The following CEP70 variants were observed in gnomAD, a reference collection of about 807,000 sequenced individuals.
CEP70 encodes the protein centrosomal protein of 70 kDa.
Under a neutral mutation model 90.9 loss-of-function variants are expected in CEP70, and 70 were observed. The observed-to-expected ratio is 0.77, with a 90% CI of 0.64 to 0.94. The LOEUF is 0.94. Among genes scored for constraint, CEP70 ranks in the 40% least tolerant of loss-of-function variants. The pLI, the probability that CEP70 is intolerant of heterozygous loss-of-function variation, is 0.00. For missense variants in CEP70, 648 were observed against 669.0 expected, an observed-to-expected ratio of 0.97 and a Z score of 0.35; for synonymous variants, 220 against 228.3, an observed-to-expected ratio of 0.96 and a Z score of 0.33.
chr3:138,571,779 T>C (rs1254988715), intron 3 of CEP70, among the ~76,000 whole-genome samples: 1 of 152,176 alleles, frequency 6.6e-6, no homozygotes, highest in African/African-American at 2.4e-5. Context: ...AGTATCACTT[T>C]CTTTTTTCTT....
rs1361964225 is a variant in CEP70, at chr3:138,551,420, A to T, written c.466-14073T>A. On this transcript the variant is annotated intron_variant, in intron 6 of 17. Coordinates refer to ENST00000264982, the MANE Select transcript of CEP70 (RefSeq NM_024491.4). ...CAAAACAGAACCTTTTCAAAGCATA[A>T]ATGTCACAGGACCTATAAAACAAAA... 1.3e-5 allele frequency among the ~76,000 whole-genome samples: 2 copies of T among 152,158 alleles called. 1 individual carries two copies. Among genetic ancestry groups the T allele is most frequent in the East Asian group, 3.9e-4 (2 of 5,194 alleles).
chr3:138,561,555 G>A (rs1442559286), intron 6 of CEP70, among the ~76,000 whole-genome samples: 1 of 152,158 alleles, frequency 6.6e-6, no homozygotes, highest in Non-Finnish European at 1.5e-5. Context: ...CGAACTGACA[G>A]AAGTAGGCTT....
At chr3:138,531,987 A>ATAAATAAT (rs1650300696) in intron 8 of CEP70, among the ~76,000 whole-genome samples, 2 of 152,212 alleles carry the variant, frequency 1.3e-5, no homozygotes. Context: ...CTTACATTAA[A>ATAAATAAT]GCATTTTAGA....
At position 138,530,575 on chromosome 3, in the gene CEP70, T is replaced by C. The variant is rs546961667; in HGVS notation, c.693-1113A>G. 9.4e-5 allele frequency: 93 copies of C among 985,364 alleles called. 1 individual carries two copies. The African/African-American group carries it at 1.6e-3, about 17-fold the overall frequency. 61.0% of individuals were successfully genotyped at this position (985,364 alleles called of 1,614,324 possible). A position where few individuals can be genotyped will look rare whatever the true frequency, so the allele number is the denominator to read the frequency against. ...AAAAATGGACAAGCAGAGAAGCTTT[T>C]GCCACTGCGAGAGGCCCATGTCCCA... On this transcript the variant is annotated intron_variant, in intron 8 of 17. Transcript: ENST00000264982.
At chr3:138,513,816 A>G (rs2035752810) in intron 11 of CEP70, among the ~76,000 whole-genome samples, 1 of 152,216 alleles carries the variant, frequency 6.6e-6, no homozygotes, top group Admixed American at 6.5e-5. Flanking sequence ...ATAGGGACAG[A>G]CTTATTTAAT....
In CEP70 at chr3:138,573,091, G is replaced by C. The variant is rs145147353; in HGVS notation, c.-5-159C>G. 6.6e-4 allele frequency: 396 copies of C among 599,436 alleles called. 3 individuals are homozygous for C. In the African/African-American group the frequency reaches 6.9e-3, roughly 10 times the overall value. The allele number at this position is 599,436 out of a possible 1,614,324, so 37.1% of individuals were successfully genotyped here. On this transcript the variant is annotated intron_variant, in intron 2 of 17. Transcript: ENST00000264982. ...CAGGTCATTCCTGCGTCAAAACTTT[G>C]TGACTTCTTAGATAGCTGATTGTAA...
intron 6 of CEP70, among the ~76,000 whole-genome samples, chr3:138,548,837 G>C (rs539981475): frequency 1.3e-5 from 2 of 152,318 alleles, no homozygotes; most frequent in African/African-American, 4.8e-5. Context: ...GAAAGAAGCA[G>C]ACTGCTCCTG....
chr3:138,499,814 T>C (rs2034320053), intron 16 of CEP70: 3 of 256,006 alleles, frequency 1.2e-5, no homozygotes, highest in African/African-American at 5.9e-5. Context: ...ACAAATTAGC[T>C]GGGCGTGGTG....
intron 6 of CEP70, among the ~76,000 whole-genome samples, chr3:138,562,248 C>T (rs938130243): frequency 2.6e-5 from 4 of 151,910 alleles, no homozygotes; most frequent in African/African-American, 7.3e-5. Context: ...CTGAAAGTGA[C>T]GGGGAGAAAG....
At chr3:138,514,726 T>C (rs930865637) in intron 11 of CEP70, among the ~76,000 whole-genome samples, 1 of 152,264 alleles carries the variant, frequency 6.6e-6, no homozygotes, top group East Asian at 1.9e-4. Context: ...AGTTTTACCT[T>C]GAAAAAATTT....
chr3:138,544,551 G>GTA (rs1363212386), intron 6 of CEP70, among the ~76,000 whole-genome samples: 21 of 151,390 alleles, frequency 1.4e-4, no homozygotes, highest in East Asian at 1.4e-3. Context: ...GTGTGTGTGT[G>GTA]TATATATATA....
Position 138,591,907 on chromosome 3 carries a change from T to C in CEP70, c.-59A>G. On this transcript the variant is annotated 5_prime_UTR_variant, in exon 2 of 18. Transcript: ENST00000264982. ...TTACACCTGGTCATTCAGGTTGATC[T>C]CAATGAAATGATCACCCAACGAGTC... 6.9e-7 allele frequency: 1 copy of C among 1,452,674 alleles called. No individual in the cohort carries two copies. The highest frequency in any genetic ancestry group is 9.1e-7 in the Non-Finnish European group (1 of 1,093,134). The allele number at this position is 1,452,674 out of a possible 1,614,324, so 90.0% of individuals were successfully genotyped here.
At chr3:138,507,419 T>C (rs958493212) in intron 12 of CEP70, among the ~76,000 whole-genome samples, 2 of 152,178 alleles carry the variant, frequency 1.3e-5, no homozygotes, top group Non-Finnish European at 2.9e-5. Context: ...TTTGAAAAAC[T>C]GTTCATCCAG....
At chr3:138,548,583 T>C (rs911478618) in intron 6 of CEP70, among the ~76,000 whole-genome samples, 4 of 152,218 alleles carry the variant, frequency 2.6e-5, no homozygotes, top group South Asian at 2.1e-4. Flanking sequence ...ATTAATACTT[T>C]TTAAAATACT....
intron 6 of CEP70, among the ~76,000 whole-genome samples, chr3:138,560,066 T>A (rs2040287472): frequency 6.6e-6 from 1 of 152,226 alleles, no homozygotes; most frequent in Non-Finnish European, 1.5e-5. Context: ...TGAGGATTGC[T>A]GCCAAGATGG....
intron 2 of CEP70, among the ~76,000 whole-genome samples, chr3:138,574,262 T>C (rs1316309904): frequency 6.6e-6 from 1 of 152,210 alleles, no homozygotes; most frequent in Non-Finnish European, 1.5e-5. Flanking sequence ...TCCAATGGTC[T>C]CAGCAAGTGG....
intron 6 of CEP70, among the ~76,000 whole-genome samples, chr3:138,543,329 G>T (rs1283642222): frequency 1.3e-5 from 2 of 152,216 alleles, no homozygotes; most frequent in Non-Finnish European, 2.9e-5. Context: ...AGTCTTGGGG[G>T]AACCAAGGCA....
intron 11 of CEP70, among the ~76,000 whole-genome samples, chr3:138,513,867 A>G (rs1376200867): frequency 5.3e-5 from 8 of 152,180 alleles, no homozygotes; most frequent in African/African-American, 9.7e-5. Context: ...CCTGTTTGTA[A>G]TACTAACTCA....
Position 138,581,576 on chromosome 3 carries a change from G to A in CEP70, c.-5-8644C>T, listed in dbSNP as rs75331859. Among the ~76,000 whole-genome samples the A allele has an allele frequency of 2.6e-5, 4 of 151,160 alleles. 1 individual carries two copies. The highest frequency in any genetic ancestry group is 2.9e-5 in the Non-Finnish European group (2 of 67,880). ...AAATTAGCCAGGTGCAGTGGCACAC[G>A]CATGTAATCCCAGGTATGCGGGAGA... On this transcript the variant is annotated intron_variant, in intron 2 of 17. Coordinates refer to ENST00000264982, the MANE Select transcript of CEP70 (RefSeq NM_024491.4).
Sources: allele counts gnomAD v4.1 joint callset (sites outside exome capture counted in the v4.1 genomes callset), GRCh38; gene constraint gnomAD v4.1.1; transcripts MANE v1.5; gene names NCBI Gene and HGNC (gene_info 2026-07-23, HGNC 2026-07-21).